The following CHIC2 variants were observed in gnomAD, a reference collection of about 807,000 sequenced individuals.
The protein encoded by CHIC2 is cysteine-rich hydrophobic domain-containing protein 2.
Under a neutral mutation model 25.9 loss-of-function variants are expected in CHIC2, and 14 were observed. The ratio of observed to expected loss-of-function variants is 0.54; its 90% CI spans 0.36 to 0.85. The LOEUF is 0.85. CHIC2 is among the 40% of genes least tolerant of loss of function. The pLI is 0.01. For missense variants in CHIC2, 146 were observed against 202.0 expected, an observed-to-expected ratio of 0.72 and a Z score of 1.68; for synonymous variants, 70 against 72.0, an observed-to-expected ratio of 0.97 and a Z score of 0.14.
upstream of CHIC2, among the ~76,000 whole-genome samples, chr4:54,068,696 T>A (rs1232920461): frequency 6.6e-6 from 1 of 152,160 alleles, no homozygotes; most frequent in Non-Finnish European, 1.5e-5. Flanking sequence ...GGGGGTTTTC[T>A]CCACCAACAA....
At chr4:54,060,124 A>T (rs1355260608) in intron 1 of CHIC2, 2 of 152,210 alleles carry the variant, frequency 1.3e-5, no homozygotes, top group Admixed American at 6.5e-5. Flanking sequence ...ATTTCAAGAC[A>T]ATTTTTTACT....
At chr4:54,013,703 C>T (rs975266955) in intron 5 of CHIC2, 134 bp downstream of exon 5, 4 of 755,064 alleles carry the variant, frequency 5.3e-6, no homozygotes, top group East Asian at 2.6e-5. Context: ...ATCTGTGAAC[C>T]GTAGAAAATC....
At chr4:54,070,677 C>T in the CHIC2 span, among the ~76,000 whole-genome samples, 1 of 152,120 alleles carries the variant, frequency 6.6e-6, no homozygotes, top group African/African-American at 2.4e-5. Context: ...CCCAACTCGG[C>T]CTCCCAAAGT....
chr4:54,014,223 G>A (rs1715676321), intron 3 of CHIC2, 104 bp from the exon 4 acceptor site: 2 of 862,136 alleles, frequency 2.3e-6, no homozygotes, highest in South Asian at 3.0e-5. Flanking sequence ...GACAGTGACT[G>A]AGTATAGTGT....
intron 1 of CHIC2, chr4:54,061,205 CA>C (rs1053415530): frequency 1.2e-4 from 18 of 152,192 alleles, no homozygotes; most frequent in African/African-American, 4.3e-4. Context: ...TCCTATGTCA[CA>C]AAAATCTGAT....
chr4:54,021,982 C>A (rs1004429666), intron 3 of CHIC2, among the ~76,000 whole-genome samples: 1 of 152,142 alleles, frequency 6.6e-6, no homozygotes, highest in Non-Finnish European at 1.5e-5. Context: ...CACTGTGAGA[C>A]AAACCCCAGC....
At chr4:54,049,819 C>T (rs1716946842) in intron 1 of CHIC2, among the ~76,000 whole-genome samples, 1 of 152,034 alleles carries the variant, frequency 6.6e-6, no homozygotes, top group African/African-American at 2.4e-5. Context: ...GGACAAAGTG[C>T]TACCAAGAAC....
intron 1 of CHIC2, among the ~76,000 whole-genome samples, chr4:54,053,945 C>T (rs1410691903): frequency 1.3e-5 from 2 of 152,110 alleles, no homozygotes; most frequent in Admixed American, 1.3e-4. Context: ...TGCTCGCCAC[C>T]ATGCTGGGCT....
chr4:54,015,806 A>G (rs977536162), intron 3 of CHIC2, among the ~76,000 whole-genome samples: 1 of 152,248 alleles, frequency 6.6e-6, no homozygotes, highest in South Asian at 2.1e-4. Flanking sequence ...TTTAAGCATT[A>G]AAGTTCATTT....
the CHIC2 span, among the ~76,000 whole-genome samples, chr4:54,072,798 C>A: frequency 6.6e-6 from 1 of 152,092 alleles, no homozygotes; most frequent in African/African-American, 2.4e-5. Flanking sequence ...CGCGTCTGGG[C>A]GTGGTGGCTC....
chr4:54,082,453 G>A, the CHIC2 span, among the ~76,000 whole-genome samples: 2 of 152,040 alleles, frequency 1.3e-5, no homozygotes, highest in African/African-American at 2.4e-5. Flanking sequence ...AACATCTACG[G>A]TCTACATGGA....
At chr4:54,012,101 T>C (rs910873643) in intron 5 of CHIC2, among the ~76,000 whole-genome samples, 2 of 151,912 alleles carry the variant, frequency 1.3e-5, no homozygotes, top group African/African-American at 4.8e-5. Flanking sequence ...CAGAACACAT[T>C]TTTTCTCCCC....
chr4:54,089,089 T>C, the CHIC2 span, among the ~76,000 whole-genome samples: 15 of 152,302 alleles, frequency 9.8e-5, no homozygotes, highest in South Asian at 2.3e-3. Context: ...ATTTGGTGAC[T>C]GTAGGAGAGA....
chr4:54,032,254 A>C, intron 3 of CHIC2, among the ~76,000 whole-genome samples: 1 of 150,232 alleles, frequency 6.7e-6, no homozygotes, highest in East Asian at 2.0e-4. Flanking sequence ...AAGTTGGTGT[A>C]TCCTCTCCCT....
chr4:54,054,339 C>A (rs961512355), intron 1 of CHIC2, among the ~76,000 whole-genome samples: 4 of 152,206 alleles, frequency 2.6e-5, no homozygotes, highest in Non-Finnish European at 5.9e-5. Context: ...TTGGCATTCA[C>A]TACTGAGCTA....
chr4:54,011,577 T>C (rs1715590837), intron 5 of CHIC2, among the ~76,000 whole-genome samples: 1 of 152,156 alleles, frequency 6.6e-6, no homozygotes, highest in South Asian at 2.1e-4. Flanking sequence ...TTCAAGTATG[T>C]CCTCAATCAG....
chr4:54,046,431 T>C (rs535335852), intron 3 of CHIC2, among the ~76,000 whole-genome samples: 73 of 152,238 alleles, frequency 4.8e-4, no homozygotes, highest in African/African-American at 1.7e-3. Flanking sequence ...CAAAACAGCA[T>C]GGTACTGGTA....
At chr4:54,084,959 C>CAAAAAAAAAAAATAAA in the CHIC2 span, among the ~76,000 whole-genome samples, 1 of 58,922 alleles carries the variant, frequency 1.7e-5, no homozygotes, top group Non-Finnish European at 3.2e-5. Flanking sequence ...TGCTCTGTCT[C>CAAAAAAAAAAAATAAA]AAAAAAAAAA....
chr4:54,012,041 TCTCA>T (rs1162894420), intron 5 of CHIC2, among the ~76,000 whole-genome samples: 1 of 151,914 alleles, frequency 6.6e-6, no homozygotes, highest in Non-Finnish European at 1.5e-5. Flanking sequence ...GCTACATTAT[TCTCA>T]CTTTCAACTA....
Sources: allele counts gnomAD v4.1 joint callset (sites outside exome capture counted in the v4.1 genomes callset), GRCh38; gene constraint gnomAD v4.1.1; transcripts MANE v1.5; gene names NCBI Gene and HGNC (gene_info 2026-07-23, HGNC 2026-07-21).